The following GALNTL6 variants were observed in gnomAD, a reference collection of about 807,000 sequenced individuals.
GALNTL6 encodes the protein polypeptide N-acetylgalactosaminyltransferase like 6.
In GALNTL6, 46 loss-of-function variants were observed where a neutral mutation model predicts 73.7. The ratio of observed to expected loss-of-function variants is 0.62; its 90% CI spans 0.49 to 0.80. The LOEUF (loss-of-function observed/expected upper bound fraction) is 0.80, where lower values mean the gene tolerates loss of function less well. Ranked by LOEUF, GALNTL6 falls within the 30% of genes least tolerant of loss-of-function variation. The pLI, the probability that GALNTL6 is intolerant of heterozygous loss-of-function variation, is 0.00. For missense variants in GALNTL6, 604 were observed against 755.0 expected (o/e 0.80, Z 2.34); for synonymous variants, 259 against 263.7 (o/e 0.98, Z 0.17).
At chr4:171,826,699 A>G (rs1002141754) in intron 2 of GALNTL6, among the ~76,000 whole-genome samples, 1 of 152,094 alleles carries the variant, frequency 6.6e-6, no homozygotes, top group African/African-American at 2.4e-5. Context: ...TAACACTCCT[A>G]CGGAAAACGG....
intron 5 of GALNTL6, among the ~76,000 whole-genome samples, chr4:172,731,121 G>C (rs1166145176): frequency 6.6e-6 from 1 of 151,348 alleles, no homozygotes; most frequent in Non-Finnish European, 1.5e-5. Context: ...GAGTAGGATT[G>C]ATATTAGTTC....
chr4:173,007,806 A>G (rs1194364256), intron 10 of GALNTL6, among the ~76,000 whole-genome samples: 2 of 146,972 alleles, frequency 1.4e-5, no homozygotes, highest in African/African-American at 2.5e-5. Context: ...ACTTGGTCTC[A>G]AAAAAAAAAA....
intron 3 of GALNTL6, among the ~76,000 whole-genome samples, chr4:172,242,999 A>G (rs1737500780): frequency 1.3e-5 from 2 of 152,204 alleles, no homozygotes; most frequent in African/African-American, 2.4e-5. Flanking sequence ...ATGCCTTCAA[A>G]GGCTGTTAAT....
intron 4 of GALNTL6, among the ~76,000 whole-genome samples, chr4:172,328,313 C>T (rs1001435504): frequency 1.3e-5 from 2 of 152,072 alleles, no homozygotes; most frequent in Non-Finnish European, 2.9e-5. Flanking sequence ...CCCTAGCTGC[C>T]TTCAACATTT....
intron 2 of GALNTL6, among the ~76,000 whole-genome samples, chr4:171,927,172 T>C (rs561565326): frequency 1.3e-5 from 2 of 152,270 alleles, no homozygotes; most frequent in South Asian, 4.1e-4. Context: ...TTCTGTTCCA[T>C]TAAGAAAATT....
intron 5 of GALNTL6, among the ~76,000 whole-genome samples, chr4:172,676,853 A>C (rs1192400126): frequency 6.6e-6 from 1 of 152,236 alleles, no homozygotes; most frequent in Non-Finnish European, 1.5e-5. Flanking sequence ...TGTGACCTTC[A>C]TTTAAATGTG....
At chr4:172,207,026 C>T (rs1257400638) in intron 2 of GALNTL6, among the ~76,000 whole-genome samples, 2 of 150,968 alleles carry the variant, frequency 1.3e-5, no homozygotes, top group Non-Finnish European at 3.0e-5. Context: ...ACCATGTTAG[C>T]CAGGATGATC....
At chr4:172,010,528 A>C (rs964091461) in intron 2 of GALNTL6, among the ~76,000 whole-genome samples, 2 of 152,068 alleles carry the variant, frequency 1.3e-5, no homozygotes, top group African/African-American at 2.4e-5. Flanking sequence ...AAATGTTGTT[A>C]TATTTCCAAC....
intron 2 of GALNTL6, among the ~76,000 whole-genome samples, chr4:172,060,007 C>G (rs1731147603): frequency 6.6e-6 from 1 of 152,170 alleles, no homozygotes; most frequent in Non-Finnish European, 1.5e-5. Context: ...CTTCACTTAA[C>G]TAAAATTTGG....
At chr4:171,918,599 T>A (rs908668231) in intron 2 of GALNTL6, among the ~76,000 whole-genome samples, 2 of 152,102 alleles carry the variant, frequency 1.3e-5, no homozygotes, top group African/African-American at 4.8e-5. Context: ...CCTCAAAAAA[T>A]TTTAAAATAA....
chr4:172,395,706 A>T (rs984232738), intron 5 of GALNTL6, among the ~76,000 whole-genome samples: 5 of 152,196 alleles, frequency 3.3e-5, no homozygotes, highest in Non-Finnish European at 5.9e-5. Flanking sequence ...GTTTCCCAAG[A>T]TAATTATTGA....
chr4:172,970,013 C>T (rs1460186457), intron 10 of GALNTL6, among the ~76,000 whole-genome samples: 1 of 152,052 alleles, frequency 6.6e-6, no homozygotes, highest in Non-Finnish European at 1.5e-5. Context: ...TCTGTGATGT[C>T]CCCCAAGCCA....
chr4:172,392,407 T>C (rs1743695262), intron 5 of GALNTL6, among the ~76,000 whole-genome samples: 1 of 152,120 alleles, frequency 6.6e-6, no homozygotes, highest in East Asian at 1.9e-4. Context: ...AGATCTTCAA[T>C]TTCTCTTTGA....
intron 5 of GALNTL6, among the ~76,000 whole-genome samples, chr4:172,469,333 C>T (rs141704129): frequency 6.4e-4 from 98 of 152,112 alleles, no homozygotes; most frequent in African/African-American, 2.1e-3. Context: ...GGGCTAGGTG[C>T]GGTCCCTCAT....
chr4:172,777,415 A>G (rs938369534), intron 5 of GALNTL6, among the ~76,000 whole-genome samples: 3 of 152,146 alleles, frequency 2.0e-5, no homozygotes, highest in Non-Finnish European at 4.4e-5. Context: ...TACCTCTCTG[A>G]CCTTAGATAT....
intron 8 of GALNTL6, among the ~76,000 whole-genome samples, chr4:172,925,525 A>AG (rs1360756453): frequency 6.6e-6 from 1 of 152,226 alleles, no homozygotes; most frequent in Non-Finnish European, 1.5e-5. Context: ...GAGGTAATCA[A>AG]GGTAGGCCTC....
chr4:171,849,553 G>A (rs1288097849), intron 2 of GALNTL6, among the ~76,000 whole-genome samples: 3 of 152,094 alleles, frequency 2.0e-5, no homozygotes, highest in Non-Finnish European at 4.4e-5. Context: ...AGAAAATCTT[G>A]TAAGCAATTA....
chr4:172,481,632 T>C (rs1733478874), intron 5 of GALNTL6, among the ~76,000 whole-genome samples: 1 of 152,134 alleles, frequency 6.6e-6, no homozygotes, highest in Non-Finnish European at 1.5e-5. Flanking sequence ...TGCTGATTGG[T>C]ATATTTACAA....
intron 5 of GALNTL6, among the ~76,000 whole-genome samples, chr4:172,572,325 A>C (rs1360400428): frequency 6.6e-6 from 1 of 152,202 alleles, no homozygotes; most frequent in Non-Finnish European, 1.5e-5. Flanking sequence ...AGAACCTCAC[A>C]TGGATTATTA....
Sources: gnomAD v4.1 joint callset for allele counts (sites outside exome capture counted in the v4.1 genomes callset) on GRCh38, gnomAD v4.1.1 for gene constraint, MANE v1.5 for transcripts, NCBI Gene and HGNC (gene_info 2026-07-23, HGNC 2026-07-21) for gene names.